The following SLC30A8 variants were observed in gnomAD, a reference collection of about 807,000 sequenced individuals.
The protein encoded by SLC30A8 is solute carrier family 30 member 8.
SLC30A8 carries 27 observed loss-of-function variants against 36.9 expected under a neutral mutation model. The ratio of observed to expected loss-of-function variants is 0.73; its 90% CI spans 0.54 to 1.01. SLC30A8 has a LOEUF of 1.01. Ranked by LOEUF, SLC30A8 falls within the 50% of genes least tolerant of loss-of-function variation. SLC30A8 has a pLI of 0.00. For missense variants in SLC30A8, 439 were observed against 452.0 expected (o/e 0.97, Z 0.26); for synonymous variants, 164 against 172.4 (o/e 0.95, Z 0.38).
intron 2 of SLC30A8, among the ~76,000 whole-genome samples, chr8:117,111,493 G>C (rs1280138460): frequency 1.3e-5 from 2 of 152,048 alleles, no homozygotes; most frequent in Non-Finnish European, 2.9e-5. Context: ...TGCTTCAGTG[G>C]GGCTCCATTT....
chr8:117,126,358 C>T (rs1820904031), intron 2 of SLC30A8, among the ~76,000 whole-genome samples: 1 of 151,850 alleles, frequency 6.6e-6, no homozygotes, highest in Admixed American at 6.6e-5. Context: ...TTATAAATAT[C>T]TTAGAGAAAT....
intron 1 of SLC30A8, among the ~76,000 whole-genome samples, chr8:116,975,780 C>T (rs1190735877): frequency 6.6e-6 from 1 of 152,124 alleles, no homozygotes; most frequent in Non-Finnish European, 1.5e-5. Context: ...ATTGAAGGTC[C>T]AGAGATTTGA....
intron 1 of SLC30A8, among the ~76,000 whole-genome samples, chr8:117,138,740 A>G (rs1052002513): frequency 4.6e-5 from 7 of 151,942 alleles, no homozygotes; most frequent in Non-Finnish European, 1.0e-4. Context: ...AGGCATAAGC[A>G]AAAAAGACTA....
At chr8:117,073,733 C>T (rs1818403421) in intron 2 of SLC30A8, among the ~76,000 whole-genome samples, 1 of 152,132 alleles carries the variant, frequency 6.6e-6, no homozygotes, top group South Asian at 2.1e-4. Flanking sequence ...TAAGTTTAAA[C>T]CAGTTTCTCA....
At chr8:117,141,579 C>T (rs1392624342) in intron 1 of SLC30A8, among the ~76,000 whole-genome samples, 1 of 152,058 alleles carries the variant, frequency 6.6e-6, no homozygotes, top group Admixed American at 6.6e-5. Flanking sequence ...TTTTTGGGAA[C>T]AGGTGGTGTT....
chr8:117,014,453 C>T (rs2130710397), intron 1 of SLC30A8, among the ~76,000 whole-genome samples: 1 of 152,250 alleles, frequency 6.6e-6, no homozygotes, highest in Non-Finnish European at 1.5e-5. Context: ...GATTCTATTC[C>T]TTCAATTGCC....
intron 3 of SLC30A8, among the ~76,000 whole-genome samples, chr8:117,154,706 C>T (rs1475995035): frequency 6.6e-6 from 1 of 152,192 alleles, no homozygotes; most frequent in Non-Finnish European, 1.5e-5. Context: ...TGTAGCTAAG[C>T]ACCCATTATT....
chr8:117,082,683 G>A (rs1463503449), intron 2 of SLC30A8, among the ~76,000 whole-genome samples: 1 of 152,198 alleles, frequency 6.6e-6, no homozygotes, highest in Non-Finnish European at 1.5e-5. Context: ...TCAACAGAGA[G>A]GACTGACAGA....
At chr8:117,168,657 G>T (rs1586618630) in intron 6 of SLC30A8, among the ~76,000 whole-genome samples, 1 of 152,066 alleles carries the variant, frequency 6.6e-6, no homozygotes, top group South Asian at 2.1e-4. Context: ...AGTGAAAAAA[G>T]GGTAGTGGGA....
At chr8:117,120,895 T>G (rs1586549508) in intron 2 of SLC30A8, among the ~76,000 whole-genome samples, 1 of 151,800 alleles carries the variant, frequency 6.6e-6, no homozygotes, top group Non-Finnish European at 1.5e-5. Context: ...TCAATATCAC[T>G]AATCATCAGA....
intron 2 of SLC30A8, chr8:117,147,496 A>G (rs2130967401): frequency 4.7e-6 from 1 of 214,574 alleles, no homozygotes; most frequent in Non-Finnish European, 9.5e-6. Flanking sequence ...ATGCCTGAAC[A>G]ATATTCTCTA....
At chr8:117,115,013 A>AT (rs1820385502) in intron 2 of SLC30A8, among the ~76,000 whole-genome samples, 1 of 151,886 alleles carries the variant, frequency 6.6e-6, no homozygotes, top group Non-Finnish European at 1.5e-5. Flanking sequence ...GGCTCAGGTG[A>AT]TTCTCCTGTC....
In SLC30A8 at chr8:117,172,908, T is replaced by G. The variant is rs1823463680; in HGVS notation, c.*227T>G. 1.8e-6 allele frequency: 1 copy of G among 565,548 alleles called. No homozygotes were observed. The highest frequency in any genetic ancestry group is 3.0e-5 in the East Asian group (1 of 33,112). The allele number at this position is 565,548 out of a possible 1,614,324, so 35.0% of individuals were successfully genotyped here. On this transcript the variant is annotated 3_prime_UTR_variant, in exon 8 of 8. Transcript: ENST00000456015. ...CAGTAGCTGTGTTCAATTGCAGGAA[T>G]GTGTATATAGATTATTCCTGAGTGG...
chr8:117,163,384 G>A (rs1324350243), intron 5 of SLC30A8, 41 bp from the exon 6 acceptor site: 5 of 1,434,518 alleles, frequency 3.5e-6, no homozygotes, highest in Non-Finnish European at 3.9e-6. Context: ...TGAAAGAGAG[G>A]TATGAATTCA....
At chr8:117,051,434 G>A (rs1450655707) in intron 2 of SLC30A8, among the ~76,000 whole-genome samples, 1 of 152,188 alleles carries the variant, frequency 6.6e-6, no homozygotes, top group Non-Finnish European at 1.5e-5. Context: ...GGTCAAGGGG[G>A]CAGATCCCTT....
At chr8:117,063,461 AT>A (rs892708911) in intron 2 of SLC30A8, among the ~76,000 whole-genome samples, 22 of 152,114 alleles carry the variant, frequency 1.4e-4, no homozygotes, top group South Asian at 2.1e-4. Flanking sequence ...AAATCAGGCC[AT>A]TTTTTTTCCC....
rs927744437 is a variant in SLC30A8 at position 117,172,917 on chromosome 8, A to G, written c.*236A>G. On this transcript the variant is annotated 3_prime_UTR_variant, in exon 8 of 8. Coordinates refer to ENST00000456015, the MANE Select transcript of SLC30A8 (RefSeq NM_173851.3). ...TGTTCAATTGCAGGAATGTGTATATAGATTATTCCTGAGTGGAGCCGAAGT... is the reference window on the plus strand; with the variant it reads ...TGTTCAATTGCAGGAATGTGTATATGGATTATTCCTGAGTGGAGCCGAAGT... 7.6e-6 allele frequency: 4 copies of G among 526,332 alleles called. No individual in the cohort carries two copies. The highest frequency in any genetic ancestry group is 6.5e-5 in the East Asian group (2 of 30,666). The allele number at this position is 526,332 out of a possible 1,614,324, so 32.6% of individuals were successfully genotyped here. A position where few individuals can be genotyped will look rare whatever the true frequency, so the allele number is the denominator to read the frequency against.
chr8:117,015,054 A>G (rs574524510), intron 1 of SLC30A8, among the ~76,000 whole-genome samples: 1 of 151,702 alleles, frequency 6.6e-6, no homozygotes, highest in East Asian at 1.9e-4. Context: ...TGAAACCAGA[A>G]TTTGGGATGA....
Position 116,977,510 on chromosome 8 carries a change from C to CTTT in SLC30A8, c.-266+26408_-266+26410dup, listed in dbSNP as rs71305452. On this transcript the variant is annotated intron_variant, in intron 1 of 10. Coordinates refer to the SLC30A8 transcript ENST00000427715. ...TAGACACACTGTTACTACTTTACCA[C>CTTT]TTTTTTTTTTTTTTTTTTTGAGATA... is the stretch of plus-strand genomic sequence containing the variant. 6.6e-3 allele frequency among the ~76,000 whole-genome samples: 765 copies of CTTT among 116,380 alleles called. 14 individuals are homozygous for CTTT. Among genetic ancestry groups the CTTT allele is most frequent in the African/African-American group, 0.024 (731 of 29,952 alleles). 76.3% of individuals were successfully genotyped at this position (116,380 alleles called of 152,430 possible).
Sources: allele counts gnomAD v4.1 joint callset (sites outside exome capture counted in the v4.1 genomes callset), GRCh38; gene constraint gnomAD v4.1.1; transcripts MANE v1.5; gene names NCBI Gene and HGNC (gene_info 2026-07-23, HGNC 2026-07-21).